Variants in ANKRD11 observed in about 807,000 individuals in gnomAD.
ANKRD11 encodes the protein ankyrin repeat domain 11.
A neutral mutation model predicts 195.7 loss-of-function variants in ANKRD11; 17 were observed. The observed-to-expected ratio is 0.09, with a 90% CI of 0.06 to 0.13. The LOEUF (loss-of-function observed/expected upper bound fraction) is 0.13, where lower values mean the gene tolerates loss of function less well. Among genes scored for constraint, ANKRD11 ranks in the 10% least tolerant of loss-of-function variants. ANKRD11 has a pLI of 1.00. For missense variants in ANKRD11, 3,735 were observed against 3,566.1 expected, an observed-to-expected ratio of 1.05 and a Z score of -1.21; for synonymous variants, 1,953 against 1,528.1, an observed-to-expected ratio of 1.28 and a Z score of -6.49.
At chr16:89,328,700 A>T (rs1293855621) in intron 2 of ANKRD11, among the ~76,000 whole-genome samples, 3 of 147,044 alleles carry the variant, frequency 2.0e-5, no homozygotes, top group African/African-American at 7.7e-5. Flanking sequence ...GCACGGGCGA[A>T]ATCAGTGGAG....
chr16:89,428,259 T>C (rs138721299), intron 1 of ANKRD11, among the ~76,000 whole-genome samples: 4,623 of 147,776 alleles, frequency 0.031, 88 homozygotes, highest in Middle Eastern at 0.056. Context: ...GGCACGGTGG[T>C]TCACGCCTAT....
At chr16:89,313,707 G>A in intron 3 of ANKRD11, 1 of 821,622 alleles carries the variant, frequency 1.2e-6, no homozygotes, top group Non-Finnish European at 1.7e-6. Flanking sequence ...TCAGATGTGT[G>A]CACCTGAGTT....
intron 2 of ANKRD11, among the ~76,000 whole-genome samples, chr16:89,394,195 G>A (rs1482984573): frequency 2.0e-5 from 3 of 151,770 alleles, no homozygotes; most frequent in East Asian, 3.9e-4. Context: ...AGGAGCCTCT[G>A]ACCTGCTTCC....
intron 4 of ANKRD11, among the ~76,000 whole-genome samples, chr16:89,294,904 G>A (rs1009908380): frequency 6.6e-6 from 1 of 152,226 alleles, no homozygotes; most frequent in African/African-American, 2.4e-5. Context: ...GAGGCGCGGG[G>A]TGTTGTCTGC....
At chr16:89,337,007 CAAA>C (rs60248736) in intron 2 of ANKRD11, among the ~76,000 whole-genome samples, 1,323 of 47,620 alleles carry the variant, frequency 0.028, 27 homozygotes, top group African/African-American at 0.092. Flanking sequence ...CTGGCTCTAC[CAAA>C]AAAAAAAAAA....
chr16:89,368,473 G>A (rs1452397539), intron 2 of ANKRD11, among the ~76,000 whole-genome samples: 5 of 142,354 alleles, frequency 3.5e-5, no homozygotes, highest in African/African-American at 1.3e-4. Context: ...CACCTGCCTC[G>A]GCCTCCGAAG....
chr16:89,277,800 T>C (rs777706730), intron 9 of ANKRD11: 1 of 152,792 alleles, frequency 6.5e-6, no homozygotes, highest in Non-Finnish European at 1.5e-5. Flanking sequence ...GTCCCTGACA[T>C]GTCGGCCAGC....
intron 2 of ANKRD11, among the ~76,000 whole-genome samples, chr16:89,367,194 C>T (rs758113312): frequency 6.6e-6 from 1 of 152,224 alleles, no homozygotes; most frequent in Admixed American, 6.5e-5. Flanking sequence ...CATCCCCCTT[C>T]GTGTTTCCCA....
intron 2 of ANKRD11, among the ~76,000 whole-genome samples, chr16:89,383,559 G>A (rs1423290301): frequency 1.3e-5 from 2 of 152,232 alleles, no homozygotes; most frequent in African/African-American, 4.8e-5. Context: ...AAGTTCCCAT[G>A]GAACAAAGCA....
chr16:89,321,810 T>G (rs1272845063), intron 2 of ANKRD11, among the ~76,000 whole-genome samples: 1 of 152,116 alleles, frequency 6.6e-6, no homozygotes, highest in Non-Finnish European at 1.5e-5. Flanking sequence ...CTGCGTGGGT[T>G]CACTTACACG....
At chr16:89,415,850 A>AAAAAAAAAAAAAAAAAAAAAAAAC (rs928499930) in intron 2 of ANKRD11, among the ~76,000 whole-genome samples, 2 of 147,384 alleles carry the variant, frequency 1.4e-5, no homozygotes, top group Non-Finnish European at 3.0e-5. Context: ...AAAAAAAAAA[A>AAAAAAAAAAAAAAAAAAAAAAAAC]CAATGGAGAA....
chr16:89,431,711 C>T (rs140331950), intron 1 of ANKRD11, among the ~76,000 whole-genome samples: 61 of 152,274 alleles, frequency 4.0e-4, no homozygotes, highest in African/African-American at 1.3e-3. Context: ...GCTTTAACGA[C>T]GTGCTGCTGA....
rs1397774831 is a variant in ANKRD11, at chr16:89,300,849, T to C, written c.226+4357A>G. The C allele has an allele frequency of 7.1e-6, 5 of 701,942 alleles. No individual in the cohort carries two copies. The East Asian group carries it at 1.1e-4, about 15-fold the overall frequency. The allele number at this position is 701,942 out of a possible 1,614,324, so 43.5% of individuals were successfully genotyped here. On this transcript the variant is annotated intron_variant, in intron 4 of 12. Transcript: ENST00000301030. ...AAGCAAAATAAGAAAATCATAATTT[T>C]TCCCCTTGTTCCAAAGAAACATCCA...
At chr16:89,405,847 G>T (rs2041883504) in intron 2 of ANKRD11, among the ~76,000 whole-genome samples, 1 of 152,068 alleles carries the variant, frequency 6.6e-6, no homozygotes, top group Admixed American at 6.6e-5. Flanking sequence ...CTTAGCTCCA[G>T]CAAGAATAAT....
chr16:89,440,800 G>A (rs575493052), intron 1 of ANKRD11, among the ~76,000 whole-genome samples: 16 of 152,314 alleles, frequency 1.1e-4, no homozygotes, highest in Middle Eastern at 6.8e-3. Context: ...CAAGCCTGCC[G>A]GGACTGAAAA....
At chr16:89,466,256 C>T (rs1329725681) in intron 1 of ANKRD11, among the ~76,000 whole-genome samples, 1 of 151,770 alleles carries the variant, frequency 6.6e-6, no homozygotes, top group African/African-American at 2.4e-5. Context: ...ATCTAAAACC[C>T]AAAAGACTTA....
At chr16:89,340,378 AG>A (rs1213178686) in intron 2 of ANKRD11, among the ~76,000 whole-genome samples, 1 of 152,220 alleles carries the variant, frequency 6.6e-6, no homozygotes, top group Non-Finnish European at 1.5e-5. Context: ...CCCGGGTTCA[AG>A]CGGTTCTCCT....
At chr16:89,300,303 C>T (rs141335925) in intron 4 of ANKRD11, 59 of 216,972 alleles carry the variant, frequency 2.7e-4, no homozygotes, top group Middle Eastern at 1.7e-3. Flanking sequence ...GGCTTCCCGC[C>T]GTGTGTTGCT....
At chr16:89,315,432 G>A (rs1261672691) in intron 3 of ANKRD11, among the ~76,000 whole-genome samples, 1 of 151,950 alleles carries the variant, frequency 6.6e-6, no homozygotes, top group African/African-American at 2.4e-5. Context: ...CCTCACTGCT[G>A]AAGGCCGCAC....
Sources: allele counts gnomAD v4.1 joint callset (sites outside exome capture counted in the v4.1 genomes callset), GRCh38; gene constraint gnomAD v4.1.1; transcripts MANE v1.5; gene names NCBI Gene and HGNC (gene_info 2026-07-23, HGNC 2026-07-21).